Variants in MS4A4A observed in about 807,000 individuals in gnomAD.
MS4A4A encodes membrane-spanning 4-domains subfamily A member 4A.
Under a neutral mutation model 28.0 loss-of-function variants are expected in MS4A4A, and 26 were observed. That is an observed-to-expected ratio of 0.93 (90% confidence interval 0.68 to 1.29). The LOEUF (loss-of-function observed/expected upper bound fraction) is 1.29, where lower values mean the gene tolerates loss of function less well. Among genes scored for constraint, MS4A4A ranks in the 50% most tolerant of loss-of-function variants. The pLI, the probability that MS4A4A is intolerant of heterozygous loss-of-function variation, is 0.00. For synonymous variants in MS4A4A, 86 were observed against 100.8 expected (o/e 0.85, Z 0.88); for missense variants, 290 against 293.1 (o/e 0.99, Z 0.08).
chr11:60,298,825 G>A (rs763092107), intron 3 of MS4A4A, among the ~76,000 whole-genome samples: 25 of 152,148 alleles, frequency 1.6e-4, no homozygotes, highest in Non-Finnish European at 3.1e-4. Context: ...CATTAGATGA[G>A]CCTTTACTTA....
At chr11:60,282,742 A>G (rs576677299) in intron 1 of MS4A4A, 20 of 1,269,698 alleles carry the variant, frequency 1.6e-5, no homozygotes, top group Non-Finnish European at 2.0e-5. Flanking sequence ...GATTCGAGGT[A>G]AGACTACAAT....
At position 60,308,158 on chromosome 11, in the gene MS4A4A, A is replaced by G. The variant is rs1181328096; in HGVS notation, c.700A>G (p.Thr234Ala). The G allele has an allele frequency of 1.2e-6, 2 of 1,614,080 alleles. No homozygotes were observed. Among genetic ancestry groups the G allele is most frequent in the East Asian group, 2.2e-5 (1 of 44,878 alleles). ...HSHMAETASP[T>A]PLNEV ...TCACATGGCAGAAACAGCATCTCCCACACCACTTAATGAGGTTTGAGGCCA... is the reference window on the plus strand; with the variant it reads ...TCACATGGCAGAAACAGCATCTCCCGCACCACTTAATGAGGTTTGAGGCCA... The change falls in exon 7 of 7, where the codon ACA (threonine) becomes GCA (alanine). Residue 234 changes from threonine to alanine, a missense_variant. Transcript: ENST00000337908.
intron 1 of MS4A4A, among the ~76,000 whole-genome samples, chr11:60,287,143 G>A (rs1206928758): frequency 6.6e-6 from 1 of 152,168 alleles, no homozygotes. Context: ...AAGAACTCTA[G>A]ACTTGTACTG....
intron 1 of MS4A4A, among the ~76,000 whole-genome samples, chr11:60,286,829 C>G (rs552749158): frequency 6.6e-6 from 1 of 152,114 alleles, no homozygotes. Context: ...ATTTTCCAGC[C>G]GCTCTTTGAC....
chr11:60,296,815 C>T (rs1590757176), intron 2 of MS4A4A: 2 of 259,834 alleles, frequency 7.7e-6, no homozygotes, highest in East Asian at 2.6e-4. Flanking sequence ...CTTGTATATA[C>T]TCTCCTTTCT....
chr11:60,289,054 G>T (rs1280537517), intron 1 of MS4A4A, among the ~76,000 whole-genome samples: 1 of 152,154 alleles, frequency 6.6e-6, no homozygotes, highest in East Asian at 1.9e-4. Flanking sequence ...TTTGGCTCAG[G>T]TATGGCTACC....
intron 2 of MS4A4A, among the ~76,000 whole-genome samples, chr11:60,292,838 A>G (rs950874576): frequency 6.6e-6 from 1 of 152,186 alleles, no homozygotes; most frequent in Non-Finnish European, 1.5e-5. Context: ...AGCATGCCCA[A>G]AAGAAATGAA....
chr11:60,306,034 T>C, intron 5 of MS4A4A, 66 bp from the exon 6 acceptor site: 1 of 1,344,164 alleles, frequency 7.4e-7, no homozygotes, highest in Admixed American at 1.9e-5. Flanking sequence ...ACATTGTGGT[T>C]ACTGGGAAAT....
chr11:60,300,909 C>T, intron 3 of MS4A4A, 92 bp from the exon 4 acceptor site: 1 of 876,522 alleles, frequency 1.1e-6, no homozygotes, highest in Non-Finnish European at 1.7e-6. Flanking sequence ...GTCTGATTAA[C>T]ATATCTATCT....
Position 60,308,373 on chromosome 11 carries a change from C to T in MS4A4A, c.*195C>T. 2.0e-6 allele frequency: 1 copy of T among 507,870 alleles called. No homozygotes were observed. The highest frequency in any genetic ancestry group is 3.2e-5 in the East Asian group (1 of 30,988). The allele number at this position is 507,870 out of a possible 1,614,324, so 31.5% of individuals were successfully genotyped here. On this transcript the variant is annotated 3_prime_UTR_variant, in exon 7 of 7. Transcript: ENST00000337908. ...TCAAAATTATGTTCTCATTTTTTTC[C>T]CTGGAACTCAATAACTCATTTCACT... is the stretch of plus-strand genomic sequence containing the variant.
At chr11:60,300,615 C>CAA (rs760648433) in intron 3 of MS4A4A, among the ~76,000 whole-genome samples, 800 of 35,898 alleles carry the variant, frequency 0.022, 64 homozygotes, top group African/African-American at 0.069. Flanking sequence ...GACTCCGTCT[C>CAA]AAAAAAAAAA....
At chr11:60,297,006 C>T (rs561719854) in intron 2 of MS4A4A, 191 bp from the exon 3 acceptor site, 5 of 646,844 alleles carry the variant, frequency 7.7e-6, no homozygotes, top group South Asian at 5.9e-5. Context: ...TGATAGACGT[C>T]GCGAGAGATA....
intron 1 of MS4A4A, among the ~76,000 whole-genome samples, chr11:60,290,825 A>G (rs865774278): frequency 6.6e-6 from 1 of 152,176 alleles, no homozygotes; most frequent in African/African-American, 2.4e-5. Flanking sequence ...ATTTCCATTG[A>G]TGTATCAAAA....
chr11:60,297,114 A>T (rs2084911791), intron 2 of MS4A4A, 83 bp from the exon 3 acceptor site: 1 of 1,516,804 alleles, frequency 6.6e-7, no homozygotes, highest in Non-Finnish European at 9.1e-7. Flanking sequence ...GAGAATAAGG[A>T]TAGCTTAGTG....
At chr11:60,307,740 C>T (rs748442674) in intron 6 of MS4A4A, among the ~76,000 whole-genome samples, 2 of 152,106 alleles carry the variant, frequency 1.3e-5, no homozygotes, top group Non-Finnish European at 2.9e-5. Context: ...TCATAACTAG[C>T]AAATCATGAT....
In MS4A4A at chr11:60,292,337, A is replaced by G. The variant is rs10750931; in HGVS notation, c.154A>G (p.Lys52Glu). Residue 52 changes from lysine to glutamate, a missense_variant, in exon 2 of 7, where the codon AAA (lysine) becomes GAA (glutamate). By Grantham distance (56) the Lys-to-Glu change is moderately conservative (BLOSUM62 1). Transcript: ENST00000337908. ...NMAVIHSHLWKGLQEKFLKGE... is the reference protein window; with the variant it reads ...NMAVIHSHLWEGLQEKFLKGE... ...GGCTGTCATACATTCACATCTGTGG[A>G]AAGGATTGCAAGAGAAGTTCTTGAA... is the stretch of plus-strand genomic sequence containing the variant. 0.15 allele frequency: 241,846 copies of G among 1,607,924 alleles called. 19,068 individuals are homozygous for G. Among genetic ancestry groups the G allele is most frequent in the Middle Eastern group, 0.2 (1,219 of 6,046 alleles).
intron 1 of MS4A4A, among the ~76,000 whole-genome samples, chr11:60,288,047 T>C (rs1414370408): frequency 6.6e-6 from 1 of 152,184 alleles, no homozygotes; most frequent in Non-Finnish European, 1.5e-5. Context: ...AGTGGCCCTA[T>C]AGTTCCGAGA....
At chr11:60,294,164 G>A (rs1168985012) in intron 2 of MS4A4A, among the ~76,000 whole-genome samples, 2 of 152,200 alleles carry the variant, frequency 1.3e-5, no homozygotes, top group Non-Finnish European at 2.9e-5. Flanking sequence ...ACAGGTGCTA[G>A]TGGAATCTCA....
chr11:60,287,779 A>G (rs763758559), intron 1 of MS4A4A, among the ~76,000 whole-genome samples: 1 of 152,240 alleles, frequency 6.6e-6, no homozygotes, highest in Non-Finnish European at 1.5e-5. Flanking sequence ...TCTTCAAAAT[A>G]TAATGGTGAA....
Sources: gnomAD v4.1 joint callset for allele counts (sites outside exome capture counted in the v4.1 genomes callset) on GRCh38, gnomAD v4.1.1 for gene constraint, MANE v1.5 for transcripts, NCBI Gene and HGNC (gene_info 2026-07-23, HGNC 2026-07-21) for gene names.